The following LRP1B variants were observed in gnomAD, a reference collection of about 807,000 sequenced individuals.
LRP1B encodes low-density lipoprotein receptor-related protein 1B.
In LRP1B, 217 loss-of-function variants were observed where a neutral mutation model predicts 556.6. The observed-to-expected ratio is 0.39, with a 90% CI of 0.35 to 0.44. The LOEUF is 0.44. LRP1B is among the 20% of genes least tolerant of loss of function. The pLI is 1.00. For synonymous variants in LRP1B, 2,047 were observed against 1,865.8 expected (o/e 1.10, Z -2.50); for missense variants, 5,053 against 5,620.8 (o/e 0.90, Z 3.23).
At chr2:141,162,428 C>T (rs984628283) in intron 7 of LRP1B, among the ~76,000 whole-genome samples, 2 of 151,992 alleles carry the variant, frequency 1.3e-5, no homozygotes, top group Non-Finnish European at 1.5e-5. Context: ...ATGCAAACAA[C>T]CTGGTGCTGC....
In LRP1B at chr2:140,881,645, A is replaced by T. The variant is rs569420374; in HGVS notation, c.4169+2172T>A. Among the ~76,000 whole-genome samples, 136 of 151,420 alleles carry T rather than the reference A, an allele frequency of 9.0e-4. 1 individual carries two copies. The highest frequency in any genetic ancestry group is 2.8e-3 in the African/African-American group (117 of 41,416). The stretch of plus-strand genomic sequence containing the variant: ...AAGCATTATTTTGTTACCCTATTTT[A>T]AAAAAAAGTATTATTTTATTATCAA... On this transcript the variant is annotated intron_variant, in intron 25 of 90. Coordinates refer to ENST00000389484, the MANE Select transcript of LRP1B (RefSeq NM_018557.3).
At chr2:140,239,354 TTTAAAAAAA>T (rs1322966013) in intron 88 of LRP1B, 79 bp downstream of exon 88, 2 of 794,384 alleles carry the variant, frequency 2.5e-6, no homozygotes, top group African/African-American at 3.6e-5. Context: ...CTAAATCATG[TTTAAAAAAA>T]TTAACAACAA....
intron 34 of LRP1B, among the ~76,000 whole-genome samples, chr2:140,770,206 G>A (rs2104937118): frequency 6.6e-6 from 1 of 151,654 alleles, no homozygotes; most frequent in Non-Finnish European, 1.5e-5. Context: ...ATACGTTTAA[G>A]GTGCTTAGAA....
At chr2:140,892,160 C>G (rs868476962) in intron 23 of LRP1B, among the ~76,000 whole-genome samples, 2 of 151,740 alleles carry the variant, frequency 1.3e-5, no homozygotes, top group Admixed American at 1.3e-4. Context: ...GAATAACAAG[C>G]CTAGAAGACC....
rs72981087 is a variant in LRP1B at position 141,056,758 on chromosome 2, G to C, written c.1409-1499C>G. Among the ~76,000 whole-genome samples, 1,256 of 151,914 alleles carry C rather than the reference G, an allele frequency of 8.3e-3. 8 individuals carry two copies. The highest frequency in any genetic ancestry group is 0.029 in the African/African-American group (1,194 of 41,504). On this transcript the variant is annotated intron_variant, in intron 9 of 90. Transcript: ENST00000389484. ...TCATGGCTTTAAATGTGACCTGTCT[G>C]TCAATGACTCCCAAATTGGTATCTC...
At chr2:140,495,444 A>C in intron 56 of LRP1B, 121 bp downstream of exon 56, 1 of 774,108 alleles carries the variant, frequency 1.3e-6, no homozygotes, top group Non-Finnish European at 2.0e-6. Flanking sequence ...CAAGGGAAGT[A>C]GAGAAGAATT....
intron 3 of LRP1B, among the ~76,000 whole-genome samples, chr2:141,394,587 C>T (rs1224382868): frequency 6.6e-6 from 1 of 152,002 alleles, no homozygotes; most frequent in Non-Finnish European, 1.5e-5. Flanking sequence ...ATAGTATGGT[C>T]ATTAGAATGC....
At chr2:141,329,142 C>T (rs570432267) in intron 3 of LRP1B, among the ~76,000 whole-genome samples, 3 of 152,198 alleles carry the variant, frequency 2.0e-5, no homozygotes, top group African/African-American at 7.2e-5. Context: ...AATCACAACA[C>T]TTTGGGAGGC....
intron 35 of LRP1B, among the ~76,000 whole-genome samples, chr2:140,737,824 ATGAT>A (rs1368770982): frequency 6.6e-6 from 1 of 152,232 alleles, no homozygotes; most frequent in African/African-American, 2.4e-5. Flanking sequence ...ATGCCGGAGA[ATGAT>A]TGTAGGCTTC....
chr2:140,463,875 G>A (rs1374648094), intron 60 of LRP1B, among the ~76,000 whole-genome samples: 2 of 152,126 alleles, frequency 1.3e-5, no homozygotes, highest in Non-Finnish European at 2.9e-5. Context: ...ACTTAAATAA[G>A]TGTAATACGT....
At chr2:141,101,014 C>T (rs1700447357) in intron 7 of LRP1B, among the ~76,000 whole-genome samples, 1 of 152,014 alleles carries the variant, frequency 6.6e-6, no homozygotes, top group African/African-American at 2.4e-5. Context: ...TAGACAAAAG[C>T]CTTGGACATA....
At chr2:142,015,014 C>T (rs1360518161) in intron 1 of LRP1B, among the ~76,000 whole-genome samples, 5 of 151,892 alleles carry the variant, frequency 3.3e-5, no homozygotes, top group African/African-American at 1.2e-4. Context: ...GATTTAAATC[C>T]TTTTTTAAAT....
chr2:141,185,559 A>T (rs969229855), intron 7 of LRP1B, among the ~76,000 whole-genome samples: 1 of 151,960 alleles, frequency 6.6e-6, no homozygotes, highest in Admixed American at 6.6e-5. Context: ...ATCTAAAATT[A>T]AAAACAAGGT....
intron 2 of LRP1B, among the ~76,000 whole-genome samples, chr2:141,782,672 A>G (rs1695296651): frequency 6.6e-6 from 1 of 152,022 alleles, no homozygotes; most frequent in African/African-American, 2.4e-5. Context: ...ATCGTGCAAT[A>G]GTTAGCAAGT....
In LRP1B at chr2:141,166,455, G is replaced by A. The variant is rs183448906; in HGVS notation, c.1013+21966C>T. 6.1e-3 allele frequency among the ~76,000 whole-genome samples: 912 copies of A among 149,836 alleles called. 9 individuals are homozygous for A. The highest frequency in any genetic ancestry group is 0.011 in the Non-Finnish European group (717 of 67,608). Reference sequence around the variant, plus strand: ...GGGTACTTGAGATATTTTGATATAGGCATATAATGCATAACAATCATATCA... The same window carrying A: ...GGGTACTTGAGATATTTTGATATAGACATATAATGCATAACAATCATATCA... On this transcript the variant is annotated intron_variant, in intron 7 of 90. Coordinates refer to ENST00000389484, the MANE Select transcript of LRP1B (RefSeq NM_018557.3).
At chr2:140,279,057 T>C (rs1299976573) in intron 84 of LRP1B, among the ~76,000 whole-genome samples, 1 of 151,922 alleles carries the variant, frequency 6.6e-6, no homozygotes, top group African/African-American at 2.4e-5. Context: ...TGTAATGTCT[T>C]TGTCCCTTTC....
intron 23 of LRP1B, 54 bp downstream of exon 23, chr2:140,902,866 T>C: frequency 6.4e-7 from 1 of 1,571,112 alleles, no homozygotes; most frequent in Non-Finnish European, 8.7e-7. Context: ...TTGGGATTTG[T>C]TTCTTTCAAG....
chr2:141,715,280 C>A (rs1028110307), intron 2 of LRP1B, among the ~76,000 whole-genome samples: 5 of 151,822 alleles, frequency 3.3e-5, no homozygotes, highest in Non-Finnish European at 7.4e-5. Context: ...CCAGCCTGGG[C>A]AATATAGTGA....
At chr2:140,411,313 C>T (rs1051167078) in intron 66 of LRP1B, among the ~76,000 whole-genome samples, 1 of 151,864 alleles carries the variant, frequency 6.6e-6, no homozygotes, top group African/African-American at 2.4e-5. Context: ...ATTATGTATG[C>T]ATTCTTTATA....
Sources: allele counts gnomAD v4.1 joint callset (sites outside exome capture counted in the v4.1 genomes callset), GRCh38; gene constraint gnomAD v4.1.1; transcripts MANE v1.5; gene names NCBI Gene and HGNC (gene_info 2026-07-23, HGNC 2026-07-21).